The following MID1 variants were observed in gnomAD, a reference collection of about 807,000 sequenced individuals.
MID1 encodes the protein E3 ubiquitin-protein ligase Midline-1.
A neutral mutation model predicts 40.4 loss-of-function variants in MID1; 7 were observed. The ratio of observed to expected loss-of-function variants is 0.17; its 90% confidence interval spans 0.10 to 0.33. MID1 has a LOEUF of 0.33. Among genes scored for constraint, MID1 ranks in the 10% least tolerant of loss-of-function variants. The probability of loss-of-function intolerance (pLI) is 1.00; values close to 1 mark genes in which losing one functional copy is unlikely to be tolerated. For missense variants in MID1, 367 were observed against 558.5 expected, an observed-to-expected ratio of 0.66 and a Z score of 3.46; for synonymous variants, 229 against 221.2, an observed-to-expected ratio of 1.04 and a Z score of -0.31.
At chrX:10,725,433 T>C (rs2043383360) in intron 1 of MID1, among the ~76,000 whole-genome samples, 1 of 112,314 alleles carries the variant, frequency 8.9e-6, no homozygotes, top group South Asian at 3.7e-4. Context: ...AAAAACTGCA[T>C]GTAACCATTT....
intron 1 of MID1, among the ~76,000 whole-genome samples, chrX:10,828,866 T>C (rs1383654612): frequency 2.7e-5 from 3 of 112,541 alleles, no homozygotes; most frequent in Non-Finnish European, 5.6e-5. Flanking sequence ...ATGCCCAGCA[T>C]TGTGCCAGGT....
chrX:10,766,586 T>G (rs757573703), intron 1 of MID1, among the ~76,000 whole-genome samples: 50 of 111,437 alleles, frequency 4.5e-4, no homozygotes, highest in Admixed American at 1.0e-3. Flanking sequence ...AAAAACACAA[T>G]AAGAAGAAAG....
At chrX:10,816,625 T>C (rs182716463) in intron 1 of MID1, among the ~76,000 whole-genome samples, 295 of 112,161 alleles carry the variant, frequency 2.6e-3, no homozygotes, top group Middle Eastern at 9.1e-3. Context: ...CTGAATACAA[T>C]AGGTTCACAA....
Position 10,681,967 on chromosome X carries a change from T to C in MID1, c.-186-61548A>G, listed in dbSNP as rs192492945. ...TTTGTGTAAAAACAAATAATATCTT[T>C]TGTTTGTGCCTATAGTGAAAACATT... On this transcript the variant is annotated intron_variant, in intron 1 of 10. Coordinates refer to the MID1 transcript ENST00000380785. Among the ~76,000 whole-genome samples the C allele has an allele frequency of 2.7e-5, 3 of 111,640 alleles. No homozygotes were observed. The East Asian group carries it at 8.4e-4, about 31-fold the overall frequency.
At chrX:10,461,406 C>T (rs1217184926) in intron 7 of MID1, among the ~76,000 whole-genome samples, 1 of 110,904 alleles carries the variant, frequency 9.0e-6, no homozygotes, top group Non-Finnish European at 1.9e-5. Flanking sequence ...CCTCTGTTTT[C>T]CTACCAATTC....
Position 10,474,701 on chromosome X carries a change from G to A in MID1, c.1063C>T (p.Leu355Phe). 1 of 1,207,605 alleles carries A rather than the reference G, an allele frequency of 8.3e-7. No individual in the cohort carries two copies. The highest frequency in any genetic ancestry group is 1.1e-6 in the Non-Finnish European group (1 of 891,737). Reference sequence around the variant, plus strand: ...GCAAAGGTGTCAAATGTGTCATTGAGGTTGATTTCAGGAATTAGAACCTGG... The same window carrying A: ...GCAAAGGTGTCAAATGTGTCATTGAAGTTGATTTCAGGAATTAGAACCTGG... The part of the protein sequence containing the change: ...SSQVLIPEIN[L>F]NDTFDTFALD... The change falls in exon 6 of 10, where the codon CTC becomes TTC. Residue 355 changes from leucine (L) to phenylalanine (F), a missense_variant. Coordinates refer to ENST00000317552, the MANE Select transcript of MID1 (RefSeq NM_000381.4).
At position 10,481,508 on chromosome X, in the gene MID1, C is replaced by T. The variant is rs187226748; in HGVS notation, c.1013+972G>A. On this transcript the variant is annotated intron_variant, in intron 5 of 9. Coordinates refer to ENST00000317552, the MANE Select transcript of MID1 (RefSeq NM_000381.4). ...AGGCTGAAGTGCAGTGGCACGATCT[C>T]GGCTCACTGCAACCTCCGCCTCCCA... Among the ~76,000 whole-genome samples the T allele has an allele frequency of 5.2e-3, 583 of 112,113 alleles. 5 individuals are homozygous for T. Among genetic ancestry groups the T allele is most frequent in the African/African-American group, 0.018 (557 of 30,856 alleles).
chrX:10,711,272 G>A (rs1282923363), intron 1 of MID1, among the ~76,000 whole-genome samples: 1 of 111,895 alleles, frequency 8.9e-6, no homozygotes, highest in African/African-American at 3.2e-5. Context: ...GTTTTAAGTA[G>A]GAAAGCCTCC....
chrX:10,703,072 T>G (rs778454773), intron 1 of MID1, among the ~76,000 whole-genome samples: 1 of 112,248 alleles, frequency 8.9e-6, no homozygotes, highest in African/African-American at 3.2e-5. Flanking sequence ...CTGTAGTATT[T>G]TGTTATGGCA....
intron 1 of MID1, among the ~76,000 whole-genome samples, chrX:10,669,182 G>A (rs2042971138): frequency 1.0e-5 from 1 of 96,891 alleles, no homozygotes; most frequent in Non-Finnish European, 2.0e-5. Context: ...TTGCACCACT[G>A]CAGTCCGCAG....
At position 10,454,889 on chromosome X, in the gene MID1, C is replaced by T. The variant is rs771878559; in HGVS notation, c.1636G>A (p.Val546Ile). 6 of 1,210,996 alleles carry T rather than the reference C, an allele frequency of 5.0e-6. No individual in the cohort carries two copies. The highest frequency in any genetic ancestry group is 6.7e-6 in the Non-Finnish European group (6 of 894,736). ...IDSGRHYWEV[V>I]ISGSTWYAIG... Reference sequence around the variant, plus strand: ...GCTTACCATGTGCTTCCACTTATGACCACTTCCCAATAATGCCGGCCACTA... The same window carrying T: ...GCTTACCATGTGCTTCCACTTATGATCACTTCCCAATAATGCCGGCCACTA... Residue 546 changes from valine (V) to isoleucine (I), a missense_variant, in exon 9 of 10, where the codon GTC (valine) becomes ATC (isoleucine). This residue lies in a region of MID1 where 275 missense variants were observed against 383.1 expected (regional missense o/e 0.72). Coordinates refer to ENST00000317552, the MANE Select transcript of MID1 (RefSeq NM_000381.4).
chrX:10,468,387 C>T (rs1929505250), intron 7 of MID1, among the ~76,000 whole-genome samples: 1 of 111,825 alleles, frequency 8.9e-6, no homozygotes, highest in South Asian at 3.7e-4. Flanking sequence ...TGTTAAGCAT[C>T]GTATGACTCA....
At chrX:10,485,224 G>A (rs1316561521) in intron 4 of MID1, among the ~76,000 whole-genome samples, 1 of 111,866 alleles carries the variant, frequency 8.9e-6, no homozygotes, top group Non-Finnish European at 1.9e-5. Context: ...CAGAAAAGTC[G>A]GCTAACCCCT....
chrX:10,770,394 C>A (rs1476675636), intron 1 of MID1, among the ~76,000 whole-genome samples: 1 of 112,015 alleles, frequency 8.9e-6, no homozygotes, highest in African/African-American at 3.3e-5. Flanking sequence ...GTTGTTGAGT[C>A]CTTTGTTCTG....
intron 1 of MID1, among the ~76,000 whole-genome samples, chrX:10,649,608 C>T (rs891330287): frequency 8.9e-6 from 1 of 111,838 alleles, no homozygotes; most frequent in African/African-American, 3.2e-5. Context: ...AGAAAATAAG[C>T]AATGAAAATC....
intron 3 of MID1, among the ~76,000 whole-genome samples, chrX:10,522,238 G>A (rs1932747435): frequency 8.9e-6 from 1 of 111,764 alleles, no homozygotes; most frequent in Non-Finnish European, 1.9e-5. Flanking sequence ...CATATTCAGA[G>A]ACACACCAGG....
At chrX:10,484,066 T>C (rs1370996308) in intron 4 of MID1, among the ~76,000 whole-genome samples, 1 of 112,362 alleles carries the variant, frequency 8.9e-6, no homozygotes, top group Non-Finnish European at 1.9e-5. Flanking sequence ...ATAACACTTA[T>C]TTTACACCAA....
intron 1 of MID1, among the ~76,000 whole-genome samples, chrX:10,804,565 A>G (rs2044030612): frequency 9.0e-6 from 1 of 111,370 alleles, no homozygotes; most frequent in African/African-American, 3.3e-5. Context: ...ATCGAGTTTG[A>G]GTATTTCCGT....
intron 1 of MID1, among the ~76,000 whole-genome samples, chrX:10,738,960 AAAAGAAAG>A (rs1202541146): frequency 9.1e-6 from 1 of 110,004 alleles, no homozygotes; most frequent in Non-Finnish European, 1.9e-5. Context: ...AAAAAAAAAA[AAAAGAAAG>A]AAAGAAAGAA....
Sources: allele counts gnomAD v4.1 joint callset (sites outside exome capture counted in the v4.1 genomes callset), GRCh38; gene constraint gnomAD v4.1.1; regional missense constraint gnomAD v4.1.1; transcripts MANE v1.5; gene names NCBI Gene and HGNC (gene_info 2026-07-23, HGNC 2026-07-21).